Variants in AP2B1 observed in about 807,000 individuals in gnomAD.
The protein encoded by AP2B1 is adaptor related protein complex 2 subunit beta 1, also known as AP-2 complex subunit beta.
In AP2B1, 23 loss-of-function variants were observed where a neutral mutation model predicts 102.0. The observed-to-expected ratio is 0.23, with a 90% CI of 0.16 to 0.32. AP2B1 has a LOEUF of 0.32. Ranked by LOEUF, AP2B1 falls within the 10% of genes least tolerant of loss-of-function variation. The pLI is 1.00. For missense variants in AP2B1, 541 were observed against 1,157.4 expected, an observed-to-expected ratio of 0.47 and a Z score of 7.73; for synonymous variants, 381 against 421.2, an observed-to-expected ratio of 0.90 and a Z score of 1.17.
At chr17:35,644,751 CTGCTGGG>C (rs1242776209) in intron 12 of AP2B1, among the ~76,000 whole-genome samples, 1 of 152,002 alleles carries the variant, frequency 6.6e-6, no homozygotes, top group Non-Finnish European at 1.5e-5. Context: ...AGTAAGTATG[CTGCTGGG>C]TGCTGTGGCT....
At chr17:35,611,041 T>A (rs1479857291) in intron 5 of AP2B1, among the ~76,000 whole-genome samples, 3 of 152,100 alleles carry the variant, frequency 2.0e-5, no homozygotes, top group Non-Finnish European at 4.4e-5. Flanking sequence ...CACCACTGCA[T>A]TATAGCCTGA....
intron 14 of AP2B1, among the ~76,000 whole-genome samples, chr17:35,658,500 A>C (rs1049613639): frequency 6.6e-6 from 1 of 152,150 alleles, no homozygotes; most frequent in Non-Finnish European, 1.5e-5. Flanking sequence ...GTACAAGATA[A>C]ATGAATTTTA....
intron 18 of AP2B1, among the ~76,000 whole-genome samples, chr17:35,683,359 TCTTAA>T (rs983806158): frequency 2.7e-4 from 41 of 152,368 alleles, no homozygotes; most frequent in African/African-American, 9.1e-4. Flanking sequence ...GAAACTTTTT[TCTTAA>T]CTTCTTATTT....
intron 18 of AP2B1, among the ~76,000 whole-genome samples, chr17:35,693,492 T>C (rs1472377010): frequency 1.3e-5 from 2 of 152,212 alleles, no homozygotes; most frequent in Non-Finnish European, 2.9e-5. Context: ...CTTTTTTTTT[T>C]CTACTTAAGG....
At chr17:35,645,529 T>C (rs1381483310) in intron 12 of AP2B1, among the ~76,000 whole-genome samples, 1 of 152,132 alleles carries the variant, frequency 6.6e-6, no homozygotes, top group Non-Finnish European at 1.5e-5. Context: ...AGAAATTCAA[T>C]ACAATATTCA....
intron 13 of AP2B1, among the ~76,000 whole-genome samples, chr17:35,654,988 C>T (rs117955766): frequency 0.018 from 2,725 of 151,982 alleles, 39 homozygotes; most frequent in Non-Finnish European, 0.023. Flanking sequence ...TAAGATTTGC[C>T]GAGTTCCTTT....
chr17:35,609,373 G>T (rs1449116123), intron 5 of AP2B1, among the ~76,000 whole-genome samples: 1 of 148,802 alleles, frequency 6.7e-6, no homozygotes, highest in Non-Finnish European at 1.5e-5. Context: ...TTGAGACAGA[G>T]TCTTGCCTTG....
chr17:35,694,798 G>A (rs1013886552), intron 18 of AP2B1, among the ~76,000 whole-genome samples: 14 of 152,140 alleles, frequency 9.2e-5, no homozygotes, highest in African/African-American at 1.9e-4. Context: ...CAGAAGAATC[G>A]CTTGAACCCA....
At chr17:35,591,692 C>A (rs1256838302) in intron 1 of AP2B1, among the ~76,000 whole-genome samples, 1 of 152,156 alleles carries the variant, frequency 6.6e-6, no homozygotes, top group Non-Finnish European at 1.5e-5. Context: ...TATATACATT[C>A]ATAAATAACT....
chr17:35,614,038 C>A (rs538580075), intron 5 of AP2B1, among the ~76,000 whole-genome samples: 5 of 152,178 alleles, frequency 3.3e-5, no homozygotes, highest in African/African-American at 9.6e-5. Flanking sequence ...TGATAGTATT[C>A]TCTAGCTTCG....
intron 18 of AP2B1, among the ~76,000 whole-genome samples, chr17:35,697,566 G>C (rs890149840): frequency 6.6e-6 from 1 of 152,192 alleles, no homozygotes; most frequent in African/African-American, 2.4e-5. Flanking sequence ...TTAGATGCCC[G>C]ACAGGAAATG....
chr17:35,669,290 C>A (rs986026296), intron 14 of AP2B1, among the ~76,000 whole-genome samples: 2 of 151,888 alleles, frequency 1.3e-5, no homozygotes, highest in South Asian at 2.1e-4. Context: ...ATTACAGGCG[C>A]CTGCCACCAC....
intron 9 of AP2B1, among the ~76,000 whole-genome samples, chr17:35,629,878 A>G (rs1277990299): frequency 2.0e-5 from 3 of 152,196 alleles, no homozygotes; most frequent in Non-Finnish European, 2.9e-5. Context: ...GCCCTGCTTC[A>G]TCAGTCAGCA....
chr17:35,640,227 A>ATTTTT (rs745826240), intron 11 of AP2B1, among the ~76,000 whole-genome samples: 1 of 60,546 alleles, frequency 1.7e-5, no homozygotes, highest in Non-Finnish European at 3.2e-5. Flanking sequence ...AGTTTTACTG[A>ATTTTT]TTTTTTTTTT....
In AP2B1 at chr17:35,657,731, A is replaced by C; in HGVS notation, c.1929A>C (p.Pro643=). The C allele has an allele frequency of 6.2e-7, 1 of 1,614,178 alleles. No homozygotes were observed. The highest frequency in any genetic ancestry group is 8.5e-7 in the Non-Finnish European group (1 of 1,180,036). Residue 643 remains proline (P), a synonymous_variant, in exon 14 of 22, where the codon CCA becomes CCC. Coordinates refer to ENST00000610402, the MANE Select transcript of AP2B1 (RefSeq NM_001030006.2). The part of the protein sequence containing the change: ...NLDLGPPVNV[P]QVSSMQMGAV... ...ACCTCGGTCCCCCAGTCAATGTGCCACAGGTGTCCTCCATGCAGATGGGAG... is the reference window on the plus strand; with the variant it reads ...ACCTCGGTCCCCCAGTCAATGTGCCCCAGGTGTCCTCCATGCAGATGGGAG...
chr17:35,619,498 CA>C (rs2074114320), intron 5 of AP2B1, among the ~76,000 whole-genome samples: 1 of 150,778 alleles, frequency 6.6e-6, no homozygotes, highest in Non-Finnish European at 1.5e-5. Flanking sequence ...AAAACAAAAA[CA>C]ACCAGCAGAT....
intron 14 of AP2B1, among the ~76,000 whole-genome samples, chr17:35,664,510 G>C (rs910927339): frequency 6.6e-6 from 1 of 152,128 alleles, no homozygotes; most frequent in Non-Finnish European, 1.5e-5. Flanking sequence ...AATTTTGTCA[G>C]GCTTTTGTCC....
intron 9 of AP2B1, among the ~76,000 whole-genome samples, chr17:35,631,149 A>G (rs225259): frequency 0.63 from 94,932 of 151,882 alleles, 29,701 homozygotes; most frequent in Non-Finnish European, 0.65. Context: ...TTCAGGAGTA[A>G]ACAAACTCCT....
At chr17:35,674,097 T>G (rs1388775328) in intron 16 of AP2B1, 79 bp from the exon 17 acceptor site, 2 of 1,402,030 alleles carry the variant, frequency 1.4e-6, no homozygotes, top group Non-Finnish European at 2.0e-6. Flanking sequence ...TAATCTTAAT[T>G]TGTTTTTTAT....
Sources: gnomAD v4.1 joint callset for allele counts (sites outside exome capture counted in the v4.1 genomes callset) on GRCh38, gnomAD v4.1.1 for gene constraint, MANE v1.5 for transcripts, NCBI Gene and HGNC (gene_info 2026-07-23, HGNC 2026-07-21) for gene names.